The following ABR variants were observed in gnomAD, a reference collection of about 807,000 sequenced individuals.
The protein encoded by ABR is ABR activator of RhoGEF and GTPase, also known as active breakpoint cluster region-related protein.
ABR carries 35 observed loss-of-function variants against 107.2 expected under a neutral mutation model. The ratio of observed to expected loss-of-function variants is 0.33; its 90% CI spans 0.25 to 0.43. The LOEUF is 0.43. Among genes scored for constraint, ABR ranks in the 20% least tolerant of loss-of-function variants. The pLI is 1.00. For missense variants in ABR, 815 were observed against 1,115.2 expected, an observed-to-expected ratio of 0.73 and a Z score of 3.83; for synonymous variants, 498 against 462.0, an observed-to-expected ratio of 1.08 and a Z score of -1.00.
chr17:1,206,009 G>A (rs1159225370), intron 1 of ABR, among the ~76,000 whole-genome samples: 4 of 151,080 alleles, frequency 2.6e-5, no homozygotes, highest in African/African-American at 9.7e-5. Context: ...CCAGCTACTT[G>A]GGAGGCTGAG....
In ABR at chr17:1,004,994, C is replaced by A. The variant is rs769118358; in HGVS notation, c.*1086G>T. On this transcript the variant is annotated 3_prime_UTR_variant, in exon 23 of 23. Coordinates refer to ENST00000302538, the MANE Select transcript of ABR (RefSeq NM_021962.5). The stretch of plus-strand genomic sequence containing the variant: ...CCTGCCTGGACACCTGCTTCGGCCA[C>A]ATCAGTCACCCTCCAGGAAGCCTGG... 6 of 398,934 alleles carry A rather than the reference C, an allele frequency of 1.5e-5. No individual in the cohort carries two copies. Among genetic ancestry groups the A allele is most frequent in the Non-Finnish European group, 2.2e-5 (5 of 226,218 alleles). 24.7% of individuals were successfully genotyped at this position (398,934 alleles called of 1,614,324 possible).
upstream of ABR, among the ~76,000 whole-genome samples, chr17:1,180,987 C>T (rs958426562): frequency 6.6e-6 from 1 of 152,180 alleles, no homozygotes; most frequent in Middle Eastern, 3.2e-3. Context: ...TGGGGCCCAC[C>T]CAGGGGGCCC....
intron 2 of ABR, among the ~76,000 whole-genome samples, chr17:1,107,602 C>T (rs1265857939): frequency 6.6e-6 from 1 of 152,178 alleles, no homozygotes; most frequent in Non-Finnish European, 1.5e-5. Flanking sequence ...ATGAGGGCCA[C>T]ACACCTCCCA....
At chr17:1,031,641 G>A (rs946943974) in intron 16 of ABR, 15 of 1,254,950 alleles carry the variant, frequency 1.2e-5, no homozygotes, top group Non-Finnish European at 1.4e-5. Flanking sequence ...CCAGAGCCGG[G>A]CGCCGGTGTT....
intron 2 of ABR, among the ~76,000 whole-genome samples, chr17:1,101,945 G>A (rs34035029): frequency 0.031 from 4,652 of 152,126 alleles, 89 homozygotes; most frequent in Non-Finnish European, 0.045. Context: ...GTGTTAGCCA[G>A]GATGGTCTCG....
upstream of ABR, among the ~76,000 whole-genome samples, chr17:1,182,727 G>A (rs2042175399): frequency 6.6e-6 from 1 of 152,184 alleles, no homozygotes; most frequent in Non-Finnish European, 1.5e-5. Context: ...TGATCACCGG[G>A]TGCTGAAGGT....
chr17:1,172,429 A>G (rs141846072), intron 1 of ABR, among the ~76,000 whole-genome samples: 384 of 152,306 alleles, frequency 2.5e-3, no homozygotes, highest in African/African-American at 8.4e-3. Context: ...CATGTCCCCA[A>G]CTGACCATAT....
chr17:1,101,940 A>T (rs150429175), intron 2 of ABR, among the ~76,000 whole-genome samples: 1 of 151,944 alleles, frequency 6.6e-6, no homozygotes, highest in Non-Finnish European at 1.5e-5. Flanking sequence ...TCACCGTGTT[A>T]GCCAGGATGG....
intron 1 of ABR, among the ~76,000 whole-genome samples, chr17:1,159,698 G>A (rs200668351): frequency 0.046 from 1,308 of 28,284 alleles, 6 homozygotes; most frequent in East Asian, 0.12. Flanking sequence ...AGGAGAAGCA[G>A]GAATGCGGTA....
At chr17:1,094,353 C>G (rs2260882) in intron 3 of ABR, among the ~76,000 whole-genome samples, 98,318 of 151,602 alleles carry the variant, frequency 0.65, 31,976 homozygotes, top group East Asian at 0.76. Flanking sequence ...CGTACACGAT[C>G]ATGGTCCCAG....
At chr17:1,105,764 G>A (rs1277215348) in intron 2 of ABR, among the ~76,000 whole-genome samples, 1 of 152,066 alleles carries the variant, frequency 6.6e-6, no homozygotes, top group Admixed American at 6.6e-5. Context: ...TGAGGGGGAG[G>A]CTGAGGTGGG....
intron 1 of ABR, among the ~76,000 whole-genome samples, chr17:1,164,592 C>T (rs2041431213): frequency 6.6e-6 from 1 of 152,150 alleles, no homozygotes; most frequent in Non-Finnish European, 1.5e-5. Flanking sequence ...ATGCAAGACG[C>T]CCAGTGAACA....
At chr17:1,102,882 G>A (rs1038994833) in intron 2 of ABR, among the ~76,000 whole-genome samples, 6 of 151,956 alleles carry the variant, frequency 3.9e-5, no homozygotes, top group Non-Finnish European at 7.4e-5. Flanking sequence ...ACTAATTTTT[G>A]TATTTTTAGT....
intron 1 of ABR, among the ~76,000 whole-genome samples, chr17:1,195,066 G>A (rs1172423112): frequency 1.4e-5 from 2 of 146,156 alleles, no homozygotes; most frequent in Non-Finnish European, 3.0e-5. Context: ...CCAGCACTTT[G>A]GGAGGCCGAG....
intron 16 of ABR, chr17:1,031,607 G>A (rs2072769980): frequency 8.1e-7 from 1 of 1,239,468 alleles, no homozygotes; most frequent in Non-Finnish European, 1.0e-6. Flanking sequence ...CCTTGTTTCG[G>A]AGCAGCTTGT....
intron 16 of ABR, among the ~76,000 whole-genome samples, chr17:1,025,884 G>A (rs1026711384): frequency 3.9e-5 from 6 of 152,252 alleles, no homozygotes; most frequent in African/African-American, 9.6e-5. Context: ...AAGGTGCTCC[G>A]GCAATACTCA....
chr17:1,128,694 A>C (rs376977533), intron 1 of ABR, among the ~76,000 whole-genome samples: 9 of 152,268 alleles, frequency 5.9e-5, no homozygotes, highest in Middle Eastern at 6.8e-3. Context: ...TGAGCTGAGG[A>C]TAGAAGCCAC....
At chr17:1,108,806 G>T in intron 2 of ABR, 1 of 580,282 alleles carries the variant, frequency 1.7e-6, no homozygotes, top group Non-Finnish European at 2.4e-6. Context: ...AGCTGCCGGG[G>T]CCGGGACCCT....
At chr17:1,055,041 G>A (rs1372595433) in intron 14 of ABR, among the ~76,000 whole-genome samples, 1 of 152,032 alleles carries the variant, frequency 6.6e-6, no homozygotes, top group East Asian at 1.9e-4. Context: ...CTGTCTAACT[G>A]ACTCACAGAT....
Sources: gnomAD v4.1 joint callset for allele counts (sites outside exome capture counted in the v4.1 genomes callset) on GRCh38, gnomAD v4.1.1 for gene constraint, MANE v1.5 for transcripts, NCBI Gene and HGNC (gene_info 2026-07-23, HGNC 2026-07-21) for gene names.